ANKRD26: variants seen among roughly 807,000 people sequenced by gnomAD.
ANKRD26 encodes ankyrin repeat domain-containing protein 26.
Under a neutral mutation model 208.7 loss-of-function variants are expected in ANKRD26, and 141 were observed. That is an observed-to-expected ratio of 0.68 (90% CI 0.59 to 0.78). The LOEUF is 0.78. Ranked by LOEUF, ANKRD26 falls within the 30% of genes least tolerant of loss-of-function variation. The pLI is 0.00. For synonymous variants in ANKRD26, 636 were observed against 660.4 expected, an observed-to-expected ratio of 0.96 and a Z score of 0.57; for missense variants, 1,889 against 1,938.7, an observed-to-expected ratio of 0.97 and a Z score of 0.48.
At position 27,060,358 on chromosome 10, in the gene ANKRD26, T is replaced by TCCC. The variant is rs760716221; in HGVS notation, c.1550_1551insGGG (p.Gln517_Thr518insGly). On this transcript the variant is annotated inframe_insertion, in exon 15 of 34. Coordinates refer to ENST00000376087, the MANE Select transcript of ANKRD26 (RefSeq NM_014915.3). ...TGCAACATTTACCTGCTTTGGATGTTTGTACATCCTTCATTCCTCCTGCTT... is the reference window on the plus strand; with the variant it reads ...TGCAACATTTACCTGCTTTGGATGTTCCCTGTACATCCTTCATTCCTCCTGCTT... 6.2e-7 allele frequency: 1 copy of TCCC among 1,608,460 alleles called. No homozygotes were observed. Among genetic ancestry groups the TCCC allele is most frequent in the South Asian group, 1.1e-5 (1 of 90,892 alleles).
At position 27,005,531 on chromosome 10, in the gene ANKRD26, TTAA is replaced by T. The variant is rs2052841955; in HGVS notation, c.*56_*58del. 3 of 1,576,446 alleles carry T rather than the reference TTAA, an allele frequency of 1.9e-6. No individual in the cohort carries two copies. The South Asian group carries it at 3.4e-5, about 18-fold the overall frequency. ...CTTTAATATTTTTACATGTCATATATTAATATTTAATGAGAAACAAAATGTCAC... is the reference window on the plus strand; with the variant it reads ...CTTTAATATTTTTACATGTCATATATTATTTAATGAGAAACAAAATGTCAC... On this transcript the variant is annotated 3_prime_UTR_variant, in exon 34 of 34. Transcript: ENST00000376087.
Position 27,058,855 on chromosome 10 carries a change from C to T in ANKRD26, c.1564+1490G>A, listed in dbSNP as rs187038533. On this transcript the variant is annotated intron_variant, in intron 15 of 33. Coordinates refer to ENST00000376087, the MANE Select transcript of ANKRD26 (RefSeq NM_014915.3). ...CCTCCCAAAGTGCAAGGATTATAGG[C>T]GTGAGGCACCGCGCCCAGCCCACAG... Among the ~76,000 whole-genome samples, 3 of 151,712 alleles carry T rather than the reference C, an allele frequency of 2.0e-5. No homozygotes were observed. The East Asian group carries it at 5.8e-4, about 30-fold the overall frequency.
chr10:27,018,557 A>C (rs1386719357), intron 29 of ANKRD26, among the ~76,000 whole-genome samples: 2 of 152,170 alleles, frequency 1.3e-5, no homozygotes, highest in Non-Finnish European at 2.9e-5. Flanking sequence ...TGAATCTTGT[A>C]ATATAGATTC....
Position 27,092,524 on chromosome 10 carries a change from C to A in ANKRD26, c.532-12G>T. The A allele has an allele frequency of 1.3e-6, 2 of 1,590,374 alleles. No homozygotes were observed. Among genetic ancestry groups the A allele is most frequent in the African/African-American group, 2.7e-5 (2 of 74,432 alleles). On this transcript the variant is annotated splice_polypyrimidine_tract_variant and intron_variant, in intron 3 of 33. Coordinates refer to ENST00000376087, the MANE Select transcript of ANKRD26 (RefSeq NM_014915.3). ...GGTGTGAGGTCATCCTGTAAGACAG[C>A]AAAAACAAGTTAAAATGCATAAAAT...
chr10:27,082,981 C>T (rs777195390), intron 5 of ANKRD26, 148 bp from the exon 6 acceptor site: 1 of 1,190,590 alleles, frequency 8.4e-7, no homozygotes, highest in Admixed American at 3.0e-5. Context: ...TATAAATATT[C>T]CATTATACTC....
intron 15 of ANKRD26, among the ~76,000 whole-genome samples, chr10:27,055,865 T>A (rs2054821448): frequency 6.6e-6 from 1 of 152,196 alleles, no homozygotes; most frequent in Non-Finnish European, 1.5e-5. Context: ...CATGTAGTTA[T>A]AACTAACACT....
chr10:26,951,013 C>CTTTTCT, the ANKRD26 span, among the ~76,000 whole-genome samples: 40 of 100,894 alleles, frequency 4.0e-4, 1 homozygote, highest in East Asian at 2.8e-3. Flanking sequence ...CTTTTCTTTT[C>CTTTTCT]TTTTTCTTTT....
chr10:27,005,458 A>G lies in ANKRD26; in HGVS notation c.*132T>C, dbSNP rs904876392. On this transcript the variant is annotated 3_prime_UTR_variant, in exon 34 of 34. Transcript: ENST00000376087. ...AAAGAAGCCAAGTAACATTGTTTAA[A>G]ATACTATATAAATTTTGATCTGACA... is the stretch of plus-strand genomic sequence containing the variant. 7 of 1,447,000 alleles carry G rather than the reference A, an allele frequency of 4.8e-6. No homozygotes were observed. Among genetic ancestry groups the G allele is most frequent in the Middle Eastern group, 5.1e-4 (2 of 3,898 alleles). The allele number at this position is 1,447,000 out of a possible 1,614,324, so 89.6% of individuals were successfully genotyped here.
rs1247216895 is a variant in ANKRD26 at position 27,047,736 on chromosome 10, AATAATTATT to A, written c.1814+1056_1814+1064del. On this transcript the variant is annotated intron_variant, in intron 17 of 33. Transcript: ENST00000376087. ...TACTACTACTACTAATAATAATAAT[AATAATTATT>A]ATTATTATTATTATTGGAGATGGAG... Among the ~76,000 whole-genome samples the A allele has an allele frequency of 8.8e-3, 428 of 48,816 alleles. 1 individual carries two copies. Among genetic ancestry groups the A allele is most frequent in the Middle Eastern group, 0.071 (6 of 84 alleles). 32.0% of individuals were successfully genotyped at this position (48,816 alleles called of 152,430 possible).
At chr10:27,099,938 G>T in intron 1 of ANKRD26, 147 bp downstream of exon 1, 3 of 1,277,844 alleles carry the variant, frequency 2.3e-6, no homozygotes, top group Non-Finnish European at 3.3e-6. Flanking sequence ...CGGCCTGGGC[G>T]CTGGAGCCCT....
intron 9 of ANKRD26, among the ~76,000 whole-genome samples, chr10:27,071,807 G>A (rs1322844766): frequency 6.6e-6 from 1 of 152,168 alleles, no homozygotes; most frequent in Non-Finnish European, 1.5e-5. Flanking sequence ...CAGGCCACGG[G>A]GAAGCCCTAA....
At chr10:26,960,776 A>G in the ANKRD26 span, among the ~76,000 whole-genome samples, 1 of 152,186 alleles carries the variant, frequency 6.6e-6, no homozygotes, top group Non-Finnish European at 1.5e-5. Flanking sequence ...CTTGAGTAAC[A>G]CTTGGCAGAT....
At chr10:27,093,914 C>A (rs199974700) in intron 1 of ANKRD26, 115 bp from the exon 2 acceptor site, 7 of 835,284 alleles carry the variant, frequency 8.4e-6, no homozygotes, top group East Asian at 8.2e-5. Context: ...TGTGTCCCCA[C>A]CCAAATCTCA....
At chr10:27,083,497 G>A (rs2056003943) in intron 5 of ANKRD26, among the ~76,000 whole-genome samples, 1 of 152,134 alleles carries the variant, frequency 6.6e-6, no homozygotes, top group Non-Finnish European at 1.5e-5. Flanking sequence ...GCCAAGGCAG[G>A]AGGATCACTT....
chr10:27,062,367 A>G, intron 12 of ANKRD26: 3 of 395,466 alleles, frequency 7.6e-6, no homozygotes, highest in Non-Finnish European at 1.0e-5. Flanking sequence ...TTTCTCAAAA[A>G]GGAAGTCTAT....
chr10:27,033,136 G>C, intron 25 of ANKRD26, 89 bp downstream of exon 25: 1 of 865,010 alleles, frequency 1.2e-6, no homozygotes, highest in Non-Finnish European at 1.6e-6. Flanking sequence ...AAACACAAAA[G>C]AAGGCTACCC....
chr10:26,968,058 C>T, the ANKRD26 span, among the ~76,000 whole-genome samples: 15,228 of 152,140 alleles, frequency 0.1, 1,439 homozygotes, highest in East Asian at 0.5. Flanking sequence ...TTTTCTCCTG[C>T]TTTCCAACAC....
At chr10:27,065,732 CAA>C (rs67274022) in intron 11 of ANKRD26, among the ~76,000 whole-genome samples, 1 of 137,370 alleles carries the variant, frequency 7.3e-6, no homozygotes, top group Admixed American at 7.2e-5. Flanking sequence ...TGTCAAAAAA[CAA>C]AAAAAAAAAA....
At chr10:26,956,821 T>C in the ANKRD26 span, among the ~76,000 whole-genome samples, 2 of 152,174 alleles carry the variant, frequency 1.3e-5, no homozygotes, top group African/African-American at 4.8e-5. Context: ...GCAAATAGAA[T>C]TATTTGATGG....
Sources: allele counts gnomAD v4.1 joint callset (sites outside exome capture counted in the v4.1 genomes callset), GRCh38; gene constraint gnomAD v4.1.1; transcripts MANE v1.5; gene names NCBI Gene and HGNC (gene_info 2026-07-23, HGNC 2026-07-21).